PI4KA: variants seen among roughly 807,000 people sequenced by gnomAD.
PI4KA encodes phosphatidylinositol 4-kinase alpha.
PI4KA carries 122 observed loss-of-function variants against 271.4 expected under a neutral mutation model. The ratio of observed to expected loss-of-function variants is 0.45; its 90% CI spans 0.39 to 0.52. PI4KA has a LOEUF of 0.52. PI4KA is among the 20% of genes least tolerant of loss of function. The probability of loss-of-function intolerance (pLI) is 0.00; values close to 1 mark genes in which losing one functional copy is unlikely to be tolerated. For missense variants in PI4KA, 1,969 were observed against 2,769.1 expected (o/e 0.71, Z 6.48); for synonymous variants, 1,041 against 1,078.8 (o/e 0.96, Z 0.69).
At chr22:20,765,067 A>C (rs368267899) in intron 21 of PI4KA, 33 bp downstream of exon 21, 2 of 1,599,308 alleles carry the variant, frequency 1.3e-6, no homozygotes, top group Non-Finnish European at 1.7e-6. Context: ...ATTGGCACAG[A>C]GAGCATGGTA....
intron 42 of PI4KA, among the ~76,000 whole-genome samples, chr22:20,724,882 G>T (rs1170954467): frequency 6.6e-6 from 1 of 152,218 alleles, no homozygotes; most frequent in African/African-American, 2.4e-5. Flanking sequence ...CAGGGGGAAG[G>T]AAACAGGTTG....
intron 32 of PI4KA, 86 bp from the exon 33 acceptor site, chr22:20,734,639 C>T (rs932214546): frequency 1.7e-5 from 22 of 1,292,224 alleles, no homozygotes; most frequent in Admixed American, 2.2e-5. Context: ...AAAAGGAACA[C>T]GTGCTCACTG....
At position 20,762,884 on chromosome 22, in the gene PI4KA, G is replaced by A. The variant is rs796180936; in HGVS notation, c.2709-1498C>T. Among the ~76,000 whole-genome samples the A allele has an allele frequency of 2.6e-5, 4 of 152,184 alleles. No homozygotes were observed. In the South Asian group the frequency reaches 8.3e-4, roughly 32 times the overall value. ...CAGGGTCTTTTGCCCAGGCTAGAGTGCAGTGGTTTGATCATAGCTCACTGC... is the reference window on the plus strand; with the variant it reads ...CAGGGTCTTTTGCCCAGGCTAGAGTACAGTGGTTTGATCATAGCTCACTGC... On this transcript the variant is annotated intron_variant, in intron 22 of 54. Coordinates refer to ENST00000255882, the MANE Select transcript of PI4KA (RefSeq NM_058004.4).
At chr22:20,822,189 CA>C (rs1922799298) in intron 4 of PI4KA, among the ~76,000 whole-genome samples, 1 of 152,158 alleles carries the variant, frequency 6.6e-6, no homozygotes, top group Non-Finnish European at 1.5e-5. Context: ...GGATTACAGG[CA>C]TGTGTCACTA....
Position 20,742,352 on chromosome 22 carries a change from C to G in PI4KA, c.3617G>C (p.Cys1206Ser). 3 of 1,613,770 alleles carry G rather than the reference C, an allele frequency of 1.9e-6. No individual in the cohort carries two copies. The highest frequency in any genetic ancestry group is 2.5e-6 in the Non-Finnish European group (3 of 1,179,788). The change falls in exon 32 of 55, where the codon TGT becomes TCT. Residue 1206 changes from cysteine to serine, a missense_variant. Physicochemically the swap from Cys to Ser is moderately radical, Grantham distance 112 (BLOSUM62 -1). Transcript: ENST00000255882. ...LTAMLISSKD[C>S]DPQLLHHLCW... The stretch of plus-strand genomic sequence containing the variant: ...CAGATGATGAAGGAGCTGCGGGTCA[C>G]AATCTGGAACCAAACACACGTCAGT...
intron 19 of PI4KA, among the ~76,000 whole-genome samples, chr22:20,789,776 T>A (rs1014959239): frequency 6.6e-6 from 1 of 152,222 alleles, no homozygotes; most frequent in Non-Finnish European, 1.5e-5. Flanking sequence ...TGAGGTTACA[T>A]GCAAAATCTT....
At chr22:20,837,150 A>T (rs1275213357) in intron 2 of PI4KA, among the ~76,000 whole-genome samples, 2 of 152,144 alleles carry the variant, frequency 1.3e-5, no homozygotes, top group East Asian at 3.8e-4. Context: ...GCACTTTGGG[A>T]GGCCTAGGCA....
chr22:20,727,979 A>G, intron 39 of PI4KA, 115 bp from the exon 40 acceptor site: 1 of 665,832 alleles, frequency 1.5e-6, no homozygotes, highest in Non-Finnish European at 2.6e-6. Context: ...ATTCACATCA[A>G]TACCAAGTGA....
At chr22:20,789,639 T>C (rs1488354067) in intron 19 of PI4KA, among the ~76,000 whole-genome samples, 3 of 152,198 alleles carry the variant, frequency 2.0e-5, no homozygotes, top group Non-Finnish European at 4.4e-5. Flanking sequence ...CTGGAAAGCA[T>C]TTAGATCACT....
rs1244377593 is a variant in PI4KA at position 20,807,321 on chromosome 22, G to A, written c.1168+41C>T. On this transcript the variant is annotated intron_variant, in intron 10 of 54. Transcript: ENST00000255882. ...GCATGCGACAGTGGCCTGGGAGCCAGTCTTGCTGTACTCACAAACACATGG... is the reference window on the plus strand; with the variant it reads ...GCATGCGACAGTGGCCTGGGAGCCAATCTTGCTGTACTCACAAACACATGG... The A allele has an allele frequency of 2.4e-6, 3 of 1,261,356 alleles. No individual in the cohort carries two copies. In the African/African-American group the frequency reaches 4.4e-5, roughly 19 times the overall value. 78.1% of individuals were successfully genotyped at this position (1,261,356 alleles called of 1,614,324 possible).
intron 19 of PI4KA, among the ~76,000 whole-genome samples, chr22:20,791,331 T>G (rs536173452): frequency 6.6e-6 from 1 of 152,260 alleles, no homozygotes; most frequent in South Asian, 2.1e-4. Flanking sequence ...GCCAACAGAG[T>G]GGCTTGGGCT....
intron 32 of PI4KA, among the ~76,000 whole-genome samples, chr22:20,738,931 G>A (rs1323769401): frequency 2.6e-5 from 4 of 151,416 alleles, no homozygotes; most frequent in East Asian, 1.9e-4. Context: ...GGACAGGCGC[G>A]GTGGCTCACG....
chr22:20,740,533 C>T (rs1036101930), intron 32 of PI4KA, among the ~76,000 whole-genome samples: 1 of 151,102 alleles, frequency 6.6e-6, no homozygotes, highest in Admixed American at 6.6e-5. Context: ...ATCCTAAATC[C>T]CTGAAATTAA....
At position 20,832,786 on chromosome 22, in the gene PI4KA, C is replaced by A. The variant is rs545103677; in HGVS notation, c.367+1776G>T. 6.3e-4 allele frequency among the ~76,000 whole-genome samples: 96 copies of A among 152,234 alleles called. 1 individual carries two copies. The highest frequency in any genetic ancestry group is 2.1e-3 in the African/African-American group (88 of 41,552). On this transcript the variant is annotated intron_variant, in intron 3 of 54. Coordinates refer to ENST00000255882, the MANE Select transcript of PI4KA (RefSeq NM_058004.4). The stretch of plus-strand genomic sequence containing the variant: ...TTCTTAAAATGGCCATTTCATCTTA[C>A]ATCTCCTATATCGTTTTATTGTATC...
Position 20,798,644 on chromosome 22 carries a change from C to A in PI4KA, c.2048G>T (p.Ser683Ile). ...QEVWNLFQQI[S>I]VKASSVVYSA... ...GTATACAACGGAGCTGGCCTTCACA[C>A]TGATCTGCTGGAAGAGGTTCCACAC... Residue 683 changes from serine (S) to isoleucine (I), a missense_variant, in exon 17 of 55, where the codon AGT becomes ATT. Ser to Ile is a moderately radical substitution (Grantham distance 142). Coordinates refer to ENST00000255882, the MANE Select transcript of PI4KA (RefSeq NM_058004.4). 6.2e-7 allele frequency: 1 copy of A among 1,613,938 alleles called. No individual in the cohort carries two copies. Among genetic ancestry groups the A allele is most frequent in the Non-Finnish European group, 8.5e-7 (1 of 1,179,798 alleles).
At chr22:20,743,286 A>C (rs906427544) in intron 30 of PI4KA, among the ~76,000 whole-genome samples, 5 of 151,654 alleles carry the variant, frequency 3.3e-5, no homozygotes, top group Admixed American at 6.6e-5. Flanking sequence ...GCTGGATTAC[A>C]GGCATGCGCC....
chr22:20,718,656 A>G, intron 44 of PI4KA, 37 bp downstream of exon 44: 3 of 1,608,154 alleles, frequency 1.9e-6, no homozygotes, highest in Middle Eastern at 2.2e-4. Context: ...GACTGGAAGG[A>G]GATCCCAGAA....
At position 20,804,341 on chromosome 22, in the gene PI4KA, CTT is replaced by C; in HGVS notation, c.1418_1419del (p.Lys473SerfsTer62). On this transcript the variant is annotated frameshift_variant, in exon 12 of 55. Transcript: ENST00000255882. LOFTEE classifies it high-confidence loss of function. ...SEKLQSKTSSKVIIAHLPLLI... is the reference protein window; with the variant it reads ...SEKLQSKTSSXVIIAHLPLLI... Reference sequence around the variant, plus strand: ...AGCAGGGGCAAGTGAGCAATAATGACTTTGCTGGACGTCTTGGACTGCAGCTT... The same window carrying C: ...AGCAGGGGCAAGTGAGCAATAATGACTGCTGGACGTCTTGGACTGCAGCTT... The C allele has an allele frequency of 6.2e-7, 1 of 1,614,082 alleles. No homozygotes were observed. Among genetic ancestry groups the C allele is most frequent in the Middle Eastern group, 1.6e-4 (1 of 6,062 alleles).
In PI4KA at chr22:20,771,671, T is replaced by A. The variant is rs954910465; in HGVS notation, c.2329-5978A>T. On this transcript the variant is annotated intron_variant, in intron 19 of 54. Coordinates refer to ENST00000255882, the MANE Select transcript of PI4KA (RefSeq NM_058004.4). ...AACTCGGCTCACTGCAACCTTCACC[T>A]CCCAGGTTCAAGCGATTGTCCTGCC... Among the ~76,000 whole-genome samples the A allele has an allele frequency of 5.3e-5, 8 of 151,798 alleles. No homozygotes were observed. In the South Asian group the frequency reaches 1.7e-3, roughly 32 times the overall value.
Sources: gnomAD v4.1 joint callset for allele counts (sites outside exome capture counted in the v4.1 genomes callset) on GRCh38, gnomAD v4.1.1 for gene constraint, MANE v1.5 for transcripts, NCBI Gene and HGNC (gene_info 2026-07-23, HGNC 2026-07-21) for gene names.